The following TAFA5 variants were observed in gnomAD, a reference collection of about 807,000 sequenced individuals.
TAFA5 encodes TAFA chemokine like family member 5, also known as chemokine-like protein TAFA-5.
TAFA5 carries 6 observed loss-of-function variants against 15.3 expected under a neutral mutation model. The ratio of observed to expected loss-of-function variants is 0.39; its 90% confidence interval spans 0.21 to 0.77. TAFA5 has a LOEUF of 0.77. Ranked by LOEUF, TAFA5 falls within the 30% of genes least tolerant of loss-of-function variation. The pLI, the probability that TAFA5 is intolerant of heterozygous loss-of-function variation, is 0.41. For synonymous variants in TAFA5, 103 were observed against 80.7 expected, an observed-to-expected ratio of 1.28 and a Z score of -1.48; for missense variants, 161 against 193.1, an observed-to-expected ratio of 0.83 and a Z score of 0.98.
At chr22:48,526,873 T>C (rs1056527849) in intron 1 of TAFA5, among the ~76,000 whole-genome samples, 1 of 152,228 alleles carries the variant, frequency 6.6e-6, no homozygotes, top group African/African-American at 2.4e-5. Flanking sequence ...CTTGAATGTG[T>C]CATTAGAAAG....
At chr22:48,737,657 C>T (rs1306336251) in intron 3 of TAFA5, among the ~76,000 whole-genome samples, 2 of 152,212 alleles carry the variant, frequency 1.3e-5, no homozygotes, top group African/African-American at 2.4e-5. Flanking sequence ...GTCCTTCACA[C>T]GCCCTTCGAT....
intron 1 of TAFA5, among the ~76,000 whole-genome samples, chr22:48,645,353 G>T (rs1382870662): frequency 2.0e-5 from 3 of 152,184 alleles, no homozygotes; most frequent in African/African-American, 7.2e-5. Flanking sequence ...CAGCAGAGTG[G>T]TATCTTAAAT....
At chr22:48,633,315 G>T (rs1407859644) in intron 1 of TAFA5, among the ~76,000 whole-genome samples, 2 of 152,224 alleles carry the variant, frequency 1.3e-5, no homozygotes, top group African/African-American at 4.8e-5. Flanking sequence ...CTGGGCAGGT[G>T]GTCGTTGCAC....
intron 2 of TAFA5, among the ~76,000 whole-genome samples, chr22:48,682,242 C>G (rs1928214400): frequency 6.6e-6 from 1 of 152,204 alleles, no homozygotes; most frequent in South Asian, 2.1e-4. Context: ...CAGGAATGAC[C>G]TGACCTTAGA....
At chr22:48,642,821 G>T (rs1007137572) in intron 1 of TAFA5, among the ~76,000 whole-genome samples, 6 of 152,170 alleles carry the variant, frequency 3.9e-5, no homozygotes, top group East Asian at 1.9e-4. Flanking sequence ...GCACGTGTGT[G>T]GTGTGTGTGC....
chr22:48,744,147 G>A (rs1025768222), intron 3 of TAFA5, among the ~76,000 whole-genome samples: 1 of 152,136 alleles, frequency 6.6e-6, no homozygotes, highest in Non-Finnish European at 1.5e-5. Context: ...GTGTGTCTTC[G>A]GCCGTGAGGA....
At position 48,512,348 on chromosome 22, in the gene TAFA5, T is replaced by G. The variant is rs1921245461; in HGVS notation, c.112+22644T>G. ...CTGGCCGGGAGCAGTGGCTCACGCC[T>G]GTAATCCCAGCACTTTGGGAGGCGA... On this transcript the variant is annotated intron_variant, in intron 1 of 3. Transcript: ENST00000402357. Among the ~76,000 whole-genome samples, 3 of 152,358 alleles carry G rather than the reference T, an allele frequency of 2.0e-5. No individual in the cohort carries two copies. The South Asian group carries it at 6.2e-4, about 32-fold the overall frequency.
chr22:48,620,685 CTATCT>C (rs1925777282), intron 1 of TAFA5, among the ~76,000 whole-genome samples: 1 of 129,664 alleles, frequency 7.7e-6, no homozygotes, highest in Non-Finnish European at 1.7e-5. Flanking sequence ...CACATCCATC[CTATCT>C]ACTCACCCCC....
At chr22:48,558,892 G>A (rs1362893788) in intron 1 of TAFA5, among the ~76,000 whole-genome samples, 5 of 152,258 alleles carry the variant, frequency 3.3e-5, no homozygotes, top group African/African-American at 1.2e-4. Context: ...CTGCCAGGGA[G>A]TGAGAGAATA....
At chr22:48,506,735 G>A (rs746875253) in intron 1 of TAFA5, among the ~76,000 whole-genome samples, 2 of 152,332 alleles carry the variant, frequency 1.3e-5, no homozygotes, top group Non-Finnish European at 2.9e-5. Context: ...AATGGACCAC[G>A]GCCTTTCCTT....
chr22:48,707,573 C>T, intron 2 of TAFA5, 144 bp from the exon 3 acceptor site: 1 of 911,884 alleles, frequency 1.1e-6, no homozygotes, highest in Non-Finnish European at 1.6e-6. Flanking sequence ...GGCCCAGTGT[C>T]CCTGTGTGAG....
At chr22:48,638,901 A>T (rs892090699) in intron 1 of TAFA5, among the ~76,000 whole-genome samples, 1 of 48,824 alleles carries the variant, frequency 2.0e-5, no homozygotes, top group Non-Finnish European at 3.5e-5. Context: ...ACCCCCCCCC[A>T]TCCCCCGACA....
intron 2 of TAFA5, among the ~76,000 whole-genome samples, chr22:48,685,715 G>A (rs1261396667): frequency 2.6e-5 from 4 of 151,868 alleles, no homozygotes; most frequent in Non-Finnish European, 5.9e-5. Context: ...GGGGGTGTCT[G>A]TTCAGTTGGC....
rs147447899 is a variant in TAFA5 at position 48,584,926 on chromosome 22, C to T, written c.113-61671C>T. Among the ~76,000 whole-genome samples the T allele has an allele frequency of 2.8e-3, 420 of 148,114 alleles. 2 individuals are homozygous for T. The highest frequency in any genetic ancestry group is 0.014 in the Middle Eastern group (4 of 276). On this transcript the variant is annotated intron_variant, in intron 1 of 3. Coordinates refer to ENST00000402357, the MANE Select transcript of TAFA5 (RefSeq NM_001082967.3). ...CACACACACACACCACACACACACA[C>T]ACAAAATACACTGCACTGATATCAC...
intron 1 of TAFA5, among the ~76,000 whole-genome samples, chr22:48,571,259 T>C (rs954319965): frequency 2.6e-5 from 4 of 151,042 alleles, no homozygotes; most frequent in South Asian, 2.1e-4. Flanking sequence ...ATTTTTTTGT[T>C]GTTGTTGTTT....
chr22:48,686,765 GGGATGGAT>G (rs113918350), intron 2 of TAFA5, among the ~76,000 whole-genome samples: 1 of 151,312 alleles, frequency 6.6e-6, no homozygotes, highest in Non-Finnish European at 1.5e-5. Context: ...AGATGGGTAG[GGGATGGAT>G]GGATGGATGG....
intron 1 of TAFA5, among the ~76,000 whole-genome samples, chr22:48,523,401 G>A (rs1035107516): frequency 1.3e-5 from 2 of 152,254 alleles, no homozygotes; most frequent in East Asian, 1.9e-4. Context: ...TGGCCGGCTC[G>A]CGGCATTCCG....
At chr22:48,735,794 G>A (rs1307955867) in intron 3 of TAFA5, among the ~76,000 whole-genome samples, 13 of 150,654 alleles carry the variant, frequency 8.6e-5, no homozygotes, top group African/African-American at 3.2e-4. Flanking sequence ...CCCCGCAGGA[G>A]GAATGAGAAT....
chr22:48,595,383 TA>T (rs1206363449), intron 1 of TAFA5, among the ~76,000 whole-genome samples: 1 of 152,090 alleles, frequency 6.6e-6, no homozygotes, highest in African/African-American at 2.4e-5. Flanking sequence ...CAACAGGTGT[TA>T]GGGGGAGTGG....
Sources: allele counts gnomAD v4.1 joint callset (sites outside exome capture counted in the v4.1 genomes callset), GRCh38; gene constraint gnomAD v4.1.1; transcripts MANE v1.5; gene names NCBI Gene and HGNC (gene_info 2026-07-23, HGNC 2026-07-21).